ATP8A2: variants seen among roughly 807,000 people sequenced by gnomAD.
The protein encoded by ATP8A2 is ATPase phospholipid transporting 8A2.
ATP8A2 carries 100 observed loss-of-function variants against 165.6 expected under a neutral mutation model. That is an observed-to-expected ratio of 0.60 (90% CI 0.51 to 0.71). The LOEUF is 0.71. Among genes scored for constraint, ATP8A2 ranks in the 30% least tolerant of loss-of-function variants. The probability of loss-of-function intolerance (pLI) is 0.00; values close to 1 mark genes in which losing one functional copy is unlikely to be tolerated. For synonymous variants in ATP8A2, 543 were observed against 548.8 expected, an observed-to-expected ratio of 0.99 and a Z score of 0.15; for missense variants, 1,227 against 1,479.5, an observed-to-expected ratio of 0.83 and a Z score of 2.80.
chr13:25,958,313 A>AAG (rs372352965), intron 33 of ATP8A2, among the ~76,000 whole-genome samples: 4 of 151,144 alleles, frequency 2.6e-5, no homozygotes, highest in Non-Finnish European at 4.4e-5. Flanking sequence ...AAAAAAAAAA[A>AAG]TTAACCTTTT....
At chr13:25,772,744 A>C (rs1329426295) in intron 26 of ATP8A2, among the ~76,000 whole-genome samples, 1 of 150,848 alleles carries the variant, frequency 6.6e-6, no homozygotes, top group Non-Finnish European at 1.5e-5. Flanking sequence ...TAATTTATTT[A>C]TTTATTTATT....
intron 24 of ATP8A2, among the ~76,000 whole-genome samples, chr13:25,592,103 C>T (rs1593602445): frequency 6.6e-6 from 1 of 151,286 alleles, no homozygotes; most frequent in African/African-American, 2.4e-5. Context: ...TTTGTATTTC[C>T]CTAATTATTA....
At chr13:25,912,775 G>A (rs1954156543) in intron 33 of ATP8A2, among the ~76,000 whole-genome samples, 1 of 152,096 alleles carries the variant, frequency 6.6e-6, no homozygotes, top group South Asian at 2.1e-4. Context: ...TTCCAATCAA[G>A]GTTAATGTTT....
At chr13:25,498,777 C>A (rs1221342703) in intron 2 of ATP8A2, among the ~76,000 whole-genome samples, 1 of 152,146 alleles carries the variant, frequency 6.6e-6, no homozygotes, top group African/African-American at 2.4e-5. Context: ...TTTCTGTTAA[C>A]TCAATGTTTG....
chr13:25,890,506 C>T (rs1344104895), intron 33 of ATP8A2, among the ~76,000 whole-genome samples: 3 of 152,148 alleles, frequency 2.0e-5, no homozygotes, highest in African/African-American at 7.2e-5. Flanking sequence ...ATTTCCTTCC[C>T]TGATACGTAT....
chr13:25,755,075 C>T (rs2044232458), intron 25 of ATP8A2, among the ~76,000 whole-genome samples: 1 of 152,136 alleles, frequency 6.6e-6, no homozygotes, highest in Non-Finnish European at 1.5e-5. Context: ...AATCACTTTG[C>T]TGTTTGACGT....
intron 27 of ATP8A2, among the ~76,000 whole-genome samples, chr13:25,800,999 C>T (rs769441490): frequency 1.3e-5 from 2 of 152,068 alleles, no homozygotes; most frequent in African/African-American, 4.8e-5. Context: ...TCCAGGCAGC[C>T]GTGGAAACTG....
intron 1 of ATP8A2, among the ~76,000 whole-genome samples, chr13:25,420,224 C>T (rs1049996377): frequency 6.6e-6 from 1 of 152,158 alleles, no homozygotes; most frequent in African/African-American, 2.4e-5. Flanking sequence ...TTTACAAATT[C>T]TTCATTTGTA....
rs1002501563 is a variant in ATP8A2, at chr13:25,849,497, T to C, written c.2956+9873T>C. Among the ~76,000 whole-genome samples the C allele has an allele frequency of 3.9e-5, 6 of 152,376 alleles. No homozygotes were observed. The East Asian group carries it at 1.2e-3, about 29-fold the overall frequency. On this transcript the variant is annotated intron_variant, in intron 30 of 36. Coordinates refer to ENST00000381655, the MANE Select transcript of ATP8A2 (RefSeq NM_016529.6). ...CCTAGCTCTTTGGAATATTCTGAAA[T>C]AAGTTCCTTGATCATTTTGTCTCTT...
chr13:25,770,256 G>A (rs2044590419), intron 26 of ATP8A2, among the ~76,000 whole-genome samples: 1 of 152,104 alleles, frequency 6.6e-6, no homozygotes, highest in African/African-American at 2.4e-5. Flanking sequence ...TGCAGCTGGA[G>A]GCTACGAGAT....
intron 2 of ATP8A2, among the ~76,000 whole-genome samples, chr13:25,488,818 C>A (rs991659050): frequency 9.2e-5 from 14 of 152,020 alleles, no homozygotes; most frequent in African/African-American, 2.7e-4. Context: ...ACAGTAAGCA[C>A]CACTTTTTAA....
intron 1 of ATP8A2, among the ~76,000 whole-genome samples, chr13:25,442,671 C>T (rs1309846182): frequency 2.6e-5 from 4 of 152,164 alleles, no homozygotes; most frequent in Non-Finnish European, 4.4e-5. Flanking sequence ...CCTCCAGCCT[C>T]GGCGTCCCAA....
chr13:25,579,743 C>T (rs2039717690), intron 21 of ATP8A2, 65 bp from the exon 22 acceptor site: 1 of 1,582,030 alleles, frequency 6.3e-7, no homozygotes, highest in Non-Finnish European at 8.7e-7. Flanking sequence ...GAAAAGGGAG[C>T]ACAGGCTGTC....
At chr13:25,787,107 A>C (rs1242760562) in intron 27 of ATP8A2, among the ~76,000 whole-genome samples, 1 of 152,146 alleles carries the variant, frequency 6.6e-6, no homozygotes, top group Non-Finnish European at 1.5e-5. Flanking sequence ...CTTGACAAAC[A>C]CATAAACCAG....
chr13:25,469,250 CCCCCT>C, intron 2 of ATP8A2, 129 bp downstream of exon 2: 1 of 1,180,524 alleles, frequency 8.5e-7, no homozygotes, highest in Non-Finnish European at 1.2e-6. Context: ...CCTTCCCCTG[CCCCCT>C]CCCCACCCCA....
intron 33 of ATP8A2, among the ~76,000 whole-genome samples, chr13:25,864,883 G>T (rs61947361): frequency 0.17 from 18,020 of 106,242 alleles, 1,457 homozygotes; most frequent in Non-Finnish European, 0.27. Flanking sequence ...GTGGGTAAAG[G>T]GGGCCAGGAA....
At chr13:25,661,977 C>T (rs888234731) in intron 24 of ATP8A2, among the ~76,000 whole-genome samples, 2 of 152,110 alleles carry the variant, frequency 1.3e-5, no homozygotes. Flanking sequence ...ACACTAGAGA[C>T]AGCATTAGGT....
At chr13:25,380,400 T>G (rs897275189) in intron 1 of ATP8A2, among the ~76,000 whole-genome samples, 1 of 152,092 alleles carries the variant, frequency 6.6e-6, no homozygotes, top group Non-Finnish European at 1.5e-5. Context: ...GAGTGGCCAC[T>G]AGCTGCATGT....
At chr13:25,740,152 A>G (rs548655354) in intron 25 of ATP8A2, among the ~76,000 whole-genome samples, 2 of 152,170 alleles carry the variant, frequency 1.3e-5, no homozygotes, top group Non-Finnish European at 2.9e-5. Flanking sequence ...TATTCCAAAT[A>G]CAAAAAATTA....
Sources: allele counts gnomAD v4.1 joint callset (sites outside exome capture counted in the v4.1 genomes callset), GRCh38; gene constraint gnomAD v4.1.1; transcripts MANE v1.5; gene names NCBI Gene and HGNC (gene_info 2026-07-23, HGNC 2026-07-21).